Variants in SUZ12 observed in about 807,000 individuals in gnomAD.
SUZ12 encodes the protein polycomb protein SUZ12.
A neutral mutation model predicts 87.3 loss-of-function variants in SUZ12; 17 were observed. The observed-to-expected ratio is 0.19, with a 90% CI of 0.13 to 0.29. The LOEUF (loss-of-function observed/expected upper bound fraction) is 0.29. Among genes scored for constraint, SUZ12 ranks in the 10% least tolerant of loss-of-function variants. The pLI is 1.00. For missense variants in SUZ12, 526 were observed against 912.2 expected (o/e 0.58, Z 5.45); for synonymous variants, 253 against 312.4 (o/e 0.81, Z 2.01).
chr17:31,984,054 GTATT>G (rs781546049), intron 9 of SUZ12, among the ~76,000 whole-genome samples: 2 of 152,108 alleles, frequency 1.3e-5, no homozygotes, highest in East Asian at 3.8e-4. Flanking sequence ...AGAAGGATAA[GTATT>G]TAGTAATACT....
At chr17:31,977,895 G>T (rs1309985762) in intron 8 of SUZ12, among the ~76,000 whole-genome samples, 2 of 151,952 alleles carry the variant, frequency 1.3e-5, no homozygotes, top group African/African-American at 4.8e-5. Context: ...GTCTTAAAAA[G>T]AAAAGAAAAG....
At position 31,999,387 on chromosome 17, in the gene SUZ12, G is replaced by A. The variant is rs1910146329; in HGVS notation, c.*384G>A. ...AATTGTGAGACATTTTCTTGGGGAG[G>A]GAAAATTGGAATGGTTCCCTTTTTT... On this transcript the variant is annotated 3_prime_UTR_variant, in exon 16 of 16. Transcript: ENST00000322652. The A allele has an allele frequency of 4.3e-6, 1 of 232,914 alleles. No homozygotes were observed. Among genetic ancestry groups the A allele is most frequent in the Non-Finnish European group, 8.5e-6 (1 of 118,176 alleles). The allele number at this position is 232,914 out of a possible 1,614,324, so 14.4% of individuals were successfully genotyped here.
At position 31,952,043 on chromosome 17, in the gene SUZ12, G is replaced by A. The variant is rs538133363; in HGVS notation, c.455+4358G>A. Among the ~76,000 whole-genome samples, 15 of 152,090 alleles carry A rather than the reference G, an allele frequency of 9.9e-5. No individual in the cohort carries two copies. The South Asian group carries it at 2.5e-3, about 25-fold the overall frequency. ...TTCCACCTTGGCCTCTCAAAGTGTT[G>A]CAATTACAGGCTGAGCCACTGCGCC... On this transcript the variant is annotated intron_variant, in intron 4 of 15. Transcript: ENST00000322652.
intron 14 of SUZ12, 52 bp downstream of exon 14, chr17:31,995,814 GA>G: frequency 7.3e-7 from 1 of 1,371,514 alleles, no homozygotes; most frequent in Non-Finnish European, 1.0e-6. Context: ...ATTTTGTTTT[GA>G]AAATTGCTTA....
At chr17:31,981,675 G>A (rs1251238758) in intron 8 of SUZ12, among the ~76,000 whole-genome samples, 1 of 152,172 alleles carries the variant, frequency 6.6e-6, no homozygotes, top group East Asian at 1.9e-4. Context: ...AAGTAGTACA[G>A]CATAGAGAAA....
chr17:31,952,799 G>A (rs560974800), intron 4 of SUZ12, among the ~76,000 whole-genome samples: 1 of 152,280 alleles, frequency 6.6e-6, no homozygotes, highest in Non-Finnish European at 1.5e-5. Context: ...CTGACCTCAA[G>A]TGATCCGCCT....
intron 4 of SUZ12, among the ~76,000 whole-genome samples, chr17:31,960,461 G>A (rs1417169821): frequency 6.6e-6 from 1 of 151,690 alleles, no homozygotes; most frequent in Non-Finnish European, 1.5e-5. Flanking sequence ...TGCCCGCCTC[G>A]GCCTCCCAAA....
rs1181314058 is a variant in SUZ12, at chr17:31,957,895, C to CTTTTTTTTTTTTTTTTTTTTT, written c.456-8247_456-8227dup. Among the ~76,000 whole-genome samples, 6 of 91,330 alleles carry CTTTTTTTTTTTTTTTTTTTTT rather than the reference C, an allele frequency of 6.6e-5. 1 individual carries two copies. Among genetic ancestry groups the CTTTTTTTTTTTTTTTTTTTTT allele is most frequent in the Non-Finnish European group, 1.3e-4 (6 of 44,584 alleles). The allele number at this position is 91,330 out of a possible 152,430, so 59.9% of individuals were successfully genotyped here. ...ACCTGGCCCTGGCTCACCTTTTGTC[C>CTTTTTTTTTTTTTTTTTTTTT]TTTTTTTTTTTTTTTTTTTTTTTTT... is the stretch of plus-strand genomic sequence containing the variant. On this transcript the variant is annotated intron_variant, in intron 4 of 15. Transcript: ENST00000322652.
intron 3 of SUZ12, among the ~76,000 whole-genome samples, chr17:31,942,977 C>T (rs557399661): frequency 6.6e-6 from 1 of 152,262 alleles, no homozygotes; most frequent in East Asian, 1.9e-4. Context: ...TGGACTGCTA[C>T]TGTTTATTAA....
At chr17:31,938,304 C>T (rs1906061044) in intron 1 of SUZ12, among the ~76,000 whole-genome samples, 2 of 152,168 alleles carry the variant, frequency 1.3e-5, no homozygotes, top group East Asian at 1.9e-4. Flanking sequence ...AATGTTATAT[C>T]CTGATTGGTT....
chr17:31,999,949 G>A lies in SUZ12; in HGVS notation c.*946G>A, dbSNP rs1910176054. 1 of 232,612 alleles carries A rather than the reference G, an allele frequency of 4.3e-6. No homozygotes were observed. Among genetic ancestry groups the A allele is most frequent in the South Asian group, 1.8e-4 (1 of 5,526 alleles). 14.4% of individuals were successfully genotyped at this position (232,612 alleles called of 1,614,324 possible). A position where few individuals can be genotyped will look rare whatever the true frequency, so the allele number is the denominator to read the frequency against. On this transcript the variant is annotated 3_prime_UTR_variant, in exon 16 of 16. Transcript: ENST00000322652. Reference sequence around the variant, plus strand: ...AAACTGTTATGCCTTTTATTTGTTTGCAAGGATGTCTTTGTAATGTGTTTC... The same window carrying A: ...AAACTGTTATGCCTTTTATTTGTTTACAAGGATGTCTTTGTAATGTGTTTC...
chr17:31,971,030 A>T (rs922089275), intron 5 of SUZ12, among the ~76,000 whole-genome samples: 1 of 152,192 alleles, frequency 6.6e-6, no homozygotes, highest in Non-Finnish European at 1.5e-5. Context: ...GTGTTAATTT[A>T]CATAGAGAAT....
At chr17:31,983,274 CTTTTTT>C (rs10681815) in intron 9 of SUZ12, among the ~76,000 whole-genome samples, 170 bp downstream of exon 9, 1 of 118,196 alleles carries the variant, frequency 8.5e-6, no homozygotes, top group Admixed American at 8.9e-5. Context: ...AGGTATCATT[CTTTTTT>C]TTTTTTTTTT....
intron 4 of SUZ12, among the ~76,000 whole-genome samples, chr17:31,952,414 G>C (rs1421335882): frequency 6.6e-6 from 1 of 152,002 alleles, no homozygotes; most frequent in Non-Finnish European, 1.5e-5. Context: ...TCCAGCTCTT[G>C]TTTCTGGTAC....
At chr17:31,973,469 G>A (rs1415729677) in intron 6 of SUZ12, among the ~76,000 whole-genome samples, 9 of 152,202 alleles carry the variant, frequency 5.9e-5, no homozygotes, top group Non-Finnish European at 1.5e-5. Flanking sequence ...TGGAAATGGA[G>A]AAGCTATGTT....
intron 4 of SUZ12, among the ~76,000 whole-genome samples, chr17:31,949,594 T>G (rs1030457278): frequency 7.2e-5 from 10 of 138,886 alleles, no homozygotes; most frequent in Non-Finnish European, 1.4e-4. Context: ...ACCTCCTGGA[T>G]TCAAGCAATT....
Position 31,937,160 on chromosome 17 carries a change from T to C in SUZ12, c.-87T>C. 2 of 1,214,062 alleles carry C rather than the reference T, an allele frequency of 1.6e-6. No individual in the cohort carries two copies. Among genetic ancestry groups the C allele is most frequent in the Non-Finnish European group, 1.1e-6 (1 of 934,890 alleles). The allele number at this position is 1,214,062 out of a possible 1,614,324, so 75.2% of individuals were successfully genotyped here. On this transcript the variant is annotated 5_prime_UTR_variant, in exon 1 of 16. Coordinates refer to ENST00000322652, the MANE Select transcript of SUZ12 (RefSeq NM_015355.4). ...CTTCCCCCCTCGGTCCGCCGGAGCC[T>C]GCTGGGGCGAGCGGTTGGTATTGCA...
chr17:31,954,368 T>C (rs115058890), intron 4 of SUZ12, among the ~76,000 whole-genome samples: 138 of 152,278 alleles, frequency 9.1e-4, no homozygotes, highest in African/African-American at 3.2e-3. Flanking sequence ...GCCAACTTTG[T>C]TTTTGATGCA....
At chr17:31,976,169 A>C (rs1469474895) in intron 7 of SUZ12, among the ~76,000 whole-genome samples, 1 of 152,238 alleles carries the variant, frequency 6.6e-6, no homozygotes, top group Non-Finnish European at 1.5e-5. Flanking sequence ...GCCATAATAC[A>C]GGTATATGTG....
Sources: gnomAD v4.1 joint callset for allele counts (sites outside exome capture counted in the v4.1 genomes callset) on GRCh38, gnomAD v4.1.1 for gene constraint, MANE v1.5 for transcripts, NCBI Gene and HGNC (gene_info 2026-07-23, HGNC 2026-07-21) for gene names.